PTPRD: variants seen among roughly 807,000 people sequenced by gnomAD.
The protein encoded by PTPRD is protein tyrosine phosphatase receptor type D.
Under a neutral mutation model 214.5 loss-of-function variants are expected in PTPRD, and 34 were observed. The ratio of observed to expected loss-of-function variants is 0.16; its 90% CI spans 0.12 to 0.21. PTPRD has a LOEUF of 0.21. Among genes scored for constraint, PTPRD ranks in the 10% least tolerant of loss-of-function variants. The pLI, the probability that PTPRD is intolerant of heterozygous loss-of-function variation, is 1.00. For synonymous variants in PTPRD, 1,128 were observed against 845.7 expected, an observed-to-expected ratio of 1.33 and a Z score of -5.79; for missense variants, 2,545 against 2,398.7, an observed-to-expected ratio of 1.06 and a Z score of -1.27.
At chr9:9,072,843 T>C (rs1239030787) in intron 10 of PTPRD, among the ~76,000 whole-genome samples, 1 of 152,218 alleles carries the variant, frequency 6.6e-6, no homozygotes, top group African/African-American at 2.4e-5. Context: ...TTTGTCCATA[T>C]TGATTTCACA....
chr9:9,006,882 G>C (rs1331091877), intron 11 of PTPRD, among the ~76,000 whole-genome samples: 2 of 151,698 alleles, frequency 1.3e-5, no homozygotes, highest in African/African-American at 2.4e-5. Context: ...AAATATTGGG[G>C]GGTCATATTT....
chr9:9,976,873 GAAAT>G (rs1408135769), intron 4 of PTPRD, among the ~76,000 whole-genome samples: 2 of 151,740 alleles, frequency 1.3e-5, no homozygotes, highest in Non-Finnish European at 1.5e-5. Flanking sequence ...TTAAAAAAAT[GAAAT>G]AACTCTTTAC....
chr9:9,013,026 G>A (rs2099518175), intron 11 of PTPRD, among the ~76,000 whole-genome samples: 1 of 151,982 alleles, frequency 6.6e-6, no homozygotes, highest in South Asian at 2.1e-4. Flanking sequence ...CACTAACAGG[G>A]GCAGAAAGAA....
chr9:9,057,592 G>A (rs1376666765), intron 10 of PTPRD, among the ~76,000 whole-genome samples: 6 of 152,138 alleles, frequency 3.9e-5, no homozygotes, highest in Admixed American at 1.3e-4. Context: ...CAGAGAGAAA[G>A]TTGATGGGTA....
intron 39 of PTPRD, among the ~76,000 whole-genome samples, chr9:8,351,957 G>A (rs3847291): frequency 0.2 from 30,007 of 151,670 alleles, 3,786 homozygotes; most frequent in Admixed American, 0.35. Flanking sequence ...GAAAGATCAG[G>A]GATGAGCTAC....
At chr9:9,826,987 C>T (rs943480373) in intron 5 of PTPRD, among the ~76,000 whole-genome samples, 3 of 152,024 alleles carry the variant, frequency 2.0e-5, no homozygotes, top group South Asian at 4.1e-4. Context: ...CAAATCACTG[C>T]TCAATGAAAT....
chr9:9,088,932 T>C (rs566179569), intron 10 of PTPRD, among the ~76,000 whole-genome samples: 1 of 152,328 alleles, frequency 6.6e-6, no homozygotes, highest in East Asian at 1.9e-4. Context: ...GAGTAAATAT[T>C]GTAAAACACC....
chr9:9,535,520 G>A (rs1017674515), intron 8 of PTPRD, among the ~76,000 whole-genome samples: 2 of 152,090 alleles, frequency 1.3e-5, no homozygotes, highest in Non-Finnish European at 2.9e-5. Context: ...CTCTATCCCA[G>A]AGGGGAGGGA....
intron 8 of PTPRD, among the ~76,000 whole-genome samples, chr9:9,428,591 A>G (rs1009100076): frequency 6.6e-6 from 1 of 152,212 alleles, no homozygotes; most frequent in Non-Finnish European, 1.5e-5. Context: ...CCAAATCAAC[A>G]GAATATACAT....
chr9:10,212,018 A>T (rs1358179553), intron 3 of PTPRD, among the ~76,000 whole-genome samples: 1 of 152,172 alleles, frequency 6.6e-6, no homozygotes, highest in East Asian at 1.9e-4. Context: ...ATAAAATTTG[A>T]GTAGATGTTG....
chr9:9,880,275 A>G (rs762843776), intron 5 of PTPRD, among the ~76,000 whole-genome samples: 1 of 152,186 alleles, frequency 6.6e-6, no homozygotes, highest in Non-Finnish European at 1.5e-5. Flanking sequence ...CTGTGAGTCA[A>G]TTAAACCTCT....
rs923864706 is a variant in PTPRD at position 8,635,401 on chromosome 9, G to T, written c.210+1298C>A. Among the ~76,000 whole-genome samples the T allele has an allele frequency of 4.8e-4, 73 of 151,674 alleles. 1 individual carries two copies. The highest frequency in any genetic ancestry group is 1.7e-3 in the African/African-American group (70 of 41,422). On this transcript the variant is annotated intron_variant, in intron 13 of 45. Coordinates refer to ENST00000381196, the MANE Select transcript of PTPRD (RefSeq NM_002839.4). ...ATACATCATTTTCTACATGACACAG[G>T]AAACATTTTCCAAATATTAAAGATA...
chr9:8,894,225 C>T (rs1044769844), intron 11 of PTPRD, among the ~76,000 whole-genome samples: 8 of 151,612 alleles, frequency 5.3e-5, no homozygotes, highest in Non-Finnish European at 1.0e-4. Flanking sequence ...TGTGGTAATG[C>T]GTGCCTGTAA....
At chr9:9,307,753 A>G (rs563549031) in intron 9 of PTPRD, among the ~76,000 whole-genome samples, 1 of 152,182 alleles carries the variant, frequency 6.6e-6, no homozygotes, top group Non-Finnish European at 1.5e-5. Context: ...AAAATTCAAA[A>G]TCCTTAGCTT....
At chr9:9,458,853 T>C (rs1468494991) in intron 8 of PTPRD, among the ~76,000 whole-genome samples, 1 of 152,024 alleles carries the variant, frequency 6.6e-6, no homozygotes, top group African/African-American at 2.4e-5. Flanking sequence ...AGTGGAAGGA[T>C]TGCTTGAGCT....
intron 11 of PTPRD, among the ~76,000 whole-genome samples, chr9:8,944,680 T>C (rs2099053111): frequency 6.6e-6 from 1 of 152,068 alleles, no homozygotes; most frequent in Admixed American, 6.6e-5. Flanking sequence ...TTCACACTCA[T>C]TTGTGAGAGG....
intron 11 of PTPRD, among the ~76,000 whole-genome samples, chr9:8,760,515 A>T (rs2094343208): frequency 1.3e-5 from 2 of 151,850 alleles, no homozygotes; most frequent in African/African-American, 2.4e-5. Context: ...TTTCCTCAAA[A>T]TTTTTTTGAA....
intron 11 of PTPRD, among the ~76,000 whole-genome samples, chr9:8,897,315 A>T (rs1301811998): frequency 1.3e-5 from 2 of 150,844 alleles, no homozygotes; most frequent in African/African-American, 4.9e-5. Flanking sequence ...GTTTACAAAG[A>T]GATGTTTTTT....
intron 9 of PTPRD, among the ~76,000 whole-genome samples, chr9:9,324,906 G>T (rs543399962): frequency 6.6e-6 from 1 of 152,026 alleles, no homozygotes; most frequent in Non-Finnish European, 1.5e-5. Context: ...AGCTTTCTAC[G>T]TATGGCTAGC....
Sources: allele counts gnomAD v4.1 joint callset (sites outside exome capture counted in the v4.1 genomes callset), GRCh38; gene constraint gnomAD v4.1.1; transcripts MANE v1.5; gene names NCBI Gene and HGNC (gene_info 2026-07-23, HGNC 2026-07-21).